Variants in LYRM4 observed in about 807,000 individuals in gnomAD.
The protein encoded by LYRM4 is LYR motif containing 4.
In LYRM4, 9 loss-of-function variants were observed where a neutral mutation model predicts 11.7. The observed-to-expected ratio is 0.77, with a 90% CI of 0.46 to 1.34. LYRM4 has a LOEUF of 1.34. Ranked by LOEUF, LYRM4 falls within the 40% of genes most tolerant of loss-of-function variation. The pLI is 0.00. For synonymous variants in LYRM4, 42 were observed against 40.4 expected, an observed-to-expected ratio of 1.04 and a Z score of -0.15; for missense variants, 133 against 112.5, an observed-to-expected ratio of 1.18 and a Z score of -0.82.
At chr6:5,132,271 C>T (rs921860898) in intron 2 of LYRM4, among the ~76,000 whole-genome samples, 1 of 152,278 alleles carries the variant, frequency 6.6e-6, no homozygotes, top group East Asian at 1.9e-4. Context: ...CTATGCAATA[C>T]ATAATATTCA....
chr6:5,062,363 T>C, the LYRM4 span, among the ~76,000 whole-genome samples: 4 of 151,334 alleles, frequency 2.6e-5, no homozygotes, highest in African/African-American at 9.7e-5. Context: ...CAGGGTTCAC[T>C]GTGTTGCCCA....
intron 2 of LYRM4, among the ~76,000 whole-genome samples, chr6:5,115,430 T>C (rs927848890): frequency 7.9e-5 from 12 of 152,186 alleles, no homozygotes; most frequent in Non-Finnish European, 1.6e-4. Context: ...GGCCGTATTC[T>C]CTATGCGGCG....
chr6:5,066,772 A>C, the LYRM4 span: 1 of 737,406 alleles, frequency 1.4e-6, no homozygotes, highest in Non-Finnish European at 2.4e-6. Context: ...TAACGCTTAA[A>C]GTCTAAGATG....
chr6:5,124,772 C>T (rs925436120), intron 2 of LYRM4, among the ~76,000 whole-genome samples: 2 of 152,232 alleles, frequency 1.3e-5, no homozygotes, highest in Admixed American at 6.5e-5. Context: ...GCCGGCTTTA[C>T]CGGAGGGCTC....
intron 2 of LYRM4, among the ~76,000 whole-genome samples, chr6:5,175,676 T>C (rs1759674511): frequency 6.6e-6 from 1 of 152,162 alleles, no homozygotes; most frequent in African/African-American, 2.4e-5. Flanking sequence ...TCCCACACTT[T>C]GAATCTGAGC....
intron 1 of LYRM4, among the ~76,000 whole-genome samples, chr6:5,248,072 T>C (rs1347138049): frequency 6.6e-6 from 1 of 152,168 alleles, no homozygotes; most frequent in African/African-American, 2.4e-5. Context: ...TACACAAAGG[T>C]ACTCAAGAAA....
At chr6:5,196,331 T>C (rs1761056469) in intron 2 of LYRM4, among the ~76,000 whole-genome samples, 1 of 152,208 alleles carries the variant, frequency 6.6e-6, no homozygotes, top group Non-Finnish European at 1.5e-5. Flanking sequence ...CTCTACCTGC[T>C]TTAACAGATG....
the LYRM4 span, among the ~76,000 whole-genome samples, chr6:5,060,258 G>A: frequency 1.2e-4 from 18 of 152,146 alleles, no homozygotes; most frequent in Non-Finnish European, 2.5e-4. Context: ...CAAAGAGTGA[G>A]CCTTTTTTTC....
At chr6:5,157,898 C>T (rs770632795) in intron 2 of LYRM4, among the ~76,000 whole-genome samples, 6 of 152,236 alleles carry the variant, frequency 3.9e-5, no homozygotes, top group South Asian at 2.1e-4. Context: ...ATACCCCAGC[C>T]GGCCAGCAGC....
chr6:5,072,390 AG>A, the LYRM4 span, among the ~76,000 whole-genome samples: 2 of 152,146 alleles, frequency 1.3e-5, no homozygotes, highest in African/African-American at 4.8e-5. Flanking sequence ...TAGGTCTCTG[AG>A]GAATCGCCAC....
intron 2 of LYRM4, among the ~76,000 whole-genome samples, chr6:5,147,195 T>C (rs1045816042): frequency 1.3e-5 from 2 of 152,202 alleles, no homozygotes; most frequent in African/African-American, 4.8e-5. Context: ...ACAAAAAAAT[T>C]TTACAGTAAT....
At chr6:5,061,465 G>A in the LYRM4 span, among the ~76,000 whole-genome samples, 1 of 152,178 alleles carries the variant, frequency 6.6e-6, no homozygotes, top group African/African-American at 2.4e-5. Context: ...AATAAAAAAG[G>A]TTAATCCTAT....
chr6:5,109,952 C>T (rs1010783771), intron 2 of LYRM4, among the ~76,000 whole-genome samples: 30 of 152,204 alleles, frequency 2.0e-4, no homozygotes, highest in Non-Finnish European at 4.3e-4. Context: ...GACACCTGTC[C>T]GTGGCCCATC....
chr6:5,053,096 G>C, the LYRM4 span, among the ~76,000 whole-genome samples: 1 of 152,254 alleles, frequency 6.6e-6, no homozygotes, highest in East Asian at 1.9e-4. Context: ...TGTTGTTTTG[G>C]ATATGAAATG....
chr6:5,037,792 G>T, the LYRM4 span, among the ~76,000 whole-genome samples: 3 of 58,432 alleles, frequency 5.1e-5, no homozygotes, highest in Non-Finnish European at 8.5e-5. Context: ...CCTCCCGGAC[G>T]GGGCGGCTGG....
chr6:5,141,722 G>A (rs983708190), intron 2 of LYRM4, among the ~76,000 whole-genome samples: 1 of 152,096 alleles, frequency 6.6e-6, no homozygotes. Flanking sequence ...AGCTTTTGAG[G>A]GAGGCTTTTC....
At chr6:5,187,956 G>A (rs1760516716) in intron 2 of LYRM4, among the ~76,000 whole-genome samples, 1 of 152,154 alleles carries the variant, frequency 6.6e-6, no homozygotes, top group African/African-American at 2.4e-5. Flanking sequence ...GGCTACATAA[G>A]AATCTTTATG....
At chr6:5,086,592 G>A in the LYRM4 span, 1 of 1,452,760 alleles carries the variant, frequency 6.9e-7, no homozygotes, top group East Asian at 2.5e-5. Flanking sequence ...GCCGTGGGGC[G>A]GGGTTGATTA....
At chr6:5,186,853 G>A (rs1038483244) in intron 2 of LYRM4, 6 of 496,494 alleles carry the variant, frequency 1.2e-5, no homozygotes, top group South Asian at 1.8e-5. Context: ...GCGTGGTGGC[G>A]TGCGCCTATA....
Sources: gnomAD v4.1 joint callset for allele counts (sites outside exome capture counted in the v4.1 genomes callset) on GRCh38, gnomAD v4.1.1 for gene constraint, MANE v1.5 for transcripts, NCBI Gene and HGNC (gene_info 2026-07-23, HGNC 2026-07-21) for gene names.